Variants in IGF2BP2 observed in about 807,000 individuals in gnomAD.
IGF2BP2 encodes the protein insulin like growth factor 2 mRNA binding protein 2, also known as insulin-like growth factor 2 mRNA-binding protein 2.
Under a neutral mutation model 75.8 loss-of-function variants are expected in IGF2BP2, and 17 were observed. The observed-to-expected ratio is 0.22, with a 90% CI of 0.15 to 0.34. The LOEUF (loss-of-function observed/expected upper bound fraction) is 0.34, where lower values mean the gene tolerates loss of function less well. IGF2BP2 is among the 10% of genes least tolerant of loss of function. IGF2BP2 has a pLI of 1.00. For missense variants in IGF2BP2, 516 were observed against 772.4 expected (o/e 0.67, Z 3.93); for synonymous variants, 288 against 295.6 (o/e 0.97, Z 0.26).
chr3:185,788,276 T>C (rs1443084490), intron 2 of IGF2BP2, among the ~76,000 whole-genome samples: 1 of 152,106 alleles, frequency 6.6e-6, no homozygotes, highest in East Asian at 1.9e-4. Context: ...TCCCAACACT[T>C]TGGGAGGCCG....
intron 2 of IGF2BP2, among the ~76,000 whole-genome samples, chr3:185,733,531 C>T (rs1309584666): frequency 1.3e-5 from 2 of 152,134 alleles, no homozygotes; most frequent in Non-Finnish European, 2.9e-5. Context: ...CCGAGGCAGG[C>T]GGATCACCTG....
chr3:185,655,623 G>C (rs1426731588), intron 12 of IGF2BP2, among the ~76,000 whole-genome samples: 1 of 152,176 alleles, frequency 6.6e-6, no homozygotes, highest in African/African-American at 2.4e-5. Context: ...TGCTGTCTTT[G>C]CCCATCACAG....
rs756430254 is a variant in IGF2BP2 at position 185,689,472 on chromosome 3, G to T, written c.560C>A (p.Ser187Tyr). The change falls in exon 6 of 16, where the codon TCT becomes TAT. Residue 187 changes from serine to tyrosine, a missense_variant. Ser to Tyr is a moderately radical substitution (Grantham distance 144). Coordinates refer to ENST00000382199, the MANE Select transcript of IGF2BP2 (RefSeq NM_006548.6). ...REQGHAPGGT[S>Y]QARQIDFPLR... ...CGGGAAATCAATCTGTCTGGCCTGA[G>T]AAGTGCCCCCAGGGGCGTGGCCTTG... 5 of 1,613,856 alleles carry T rather than the reference G, an allele frequency of 3.1e-6. No homozygotes were observed. Among genetic ancestry groups the T allele is most frequent in the Non-Finnish European group, 4.2e-6 (5 of 1,179,876 alleles).
intron 2 of IGF2BP2, among the ~76,000 whole-genome samples, chr3:185,751,375 C>G (rs13073866): frequency 6.7e-6 from 1 of 150,162 alleles, no homozygotes; most frequent in South Asian, 2.1e-4. Context: ...GTCGGGAGTT[C>G]GAGACCAGCC....
intron 2 of IGF2BP2, among the ~76,000 whole-genome samples, chr3:185,777,423 C>T (rs561532564): frequency 3.7e-4 from 56 of 151,992 alleles, no homozygotes; most frequent in Non-Finnish European, 5.3e-4. Flanking sequence ...CCCAGGAAGT[C>T]GAAGCTGCAG....
At chr3:185,716,304 A>G (rs1055405385) in intron 2 of IGF2BP2, 4 of 385,122 alleles carry the variant, frequency 1.0e-5, no homozygotes, top group Non-Finnish European at 2.0e-5. Flanking sequence ...TCTTTTAATG[A>G]TATTTTCTGC....
At chr3:185,774,950 G>A (rs944555250) in intron 2 of IGF2BP2, among the ~76,000 whole-genome samples, 5 of 151,856 alleles carry the variant, frequency 3.3e-5, no homozygotes, top group Admixed American at 6.6e-5. Flanking sequence ...AACCTGGGAG[G>A]CGGGGCTTGC....
Position 185,665,504 on chromosome 3 carries a change from AG to A in IGF2BP2, c.1200+7036del. Among the ~76,000 whole-genome samples the A allele has an allele frequency of 2.5e-4, 8 of 32,158 alleles. 1 individual carries two copies. The highest frequency in any genetic ancestry group is 1.7e-3 in the South Asian group (1 of 576). The allele number at this position is 32,158 out of a possible 152,430, so 21.1% of individuals were successfully genotyped here. Reference sequence around the variant, plus strand: ...AAGAAGGAGGAGAAGGAGGAGGAGAAGGAGGAGGAGGAGAAGGAGGAGGAGG... The same window carrying A: ...AAGAAGGAGGAGAAGGAGGAGGAGAAGAGGAGGAGGAGAAGGAGGAGGAGG... On this transcript the variant is annotated intron_variant, in intron 10 of 15. Transcript: ENST00000382199.
intron 2 of IGF2BP2, among the ~76,000 whole-genome samples, chr3:185,783,236 A>T (rs774196211): frequency 3.3e-5 from 5 of 152,174 alleles, no homozygotes; most frequent in Non-Finnish European, 7.3e-5. Context: ...ACCTATACAG[A>T]TTTCTAAACA....
intron 2 of IGF2BP2, among the ~76,000 whole-genome samples, chr3:185,796,401 G>A (rs9808924): frequency 0.45 from 67,943 of 151,166 alleles, 18,261 homozygotes; most frequent in African/African-American, 0.77. Flanking sequence ...TGTCTCCACT[G>A]AAAATACAAA....
At chr3:185,669,388 G>A (rs1718168401) in intron 10 of IGF2BP2, among the ~76,000 whole-genome samples, 2 of 151,858 alleles carry the variant, frequency 1.3e-5, no homozygotes, top group Admixed American at 1.3e-4. Context: ...TACCTACACA[G>A]AAACACTGGT....
At chr3:185,818,980 T>G (rs924305871) in intron 2 of IGF2BP2, among the ~76,000 whole-genome samples, 3 of 152,192 alleles carry the variant, frequency 2.0e-5, no homozygotes, top group Admixed American at 2.0e-4. Context: ...GTTCTAAATC[T>G]TCTTTTAAAA....
intron 2 of IGF2BP2, among the ~76,000 whole-genome samples, chr3:185,751,768 T>C (rs1731002778): frequency 6.6e-6 from 1 of 151,668 alleles, no homozygotes; most frequent in African/African-American, 2.4e-5. Context: ...ATTGAGACCA[T>C]CCTGGCCAAC....
chr3:185,668,504 G>GATATATAT (rs199744636), intron 10 of IGF2BP2, among the ~76,000 whole-genome samples: 3 of 123,012 alleles, frequency 2.4e-5, no homozygotes, highest in Non-Finnish European at 3.5e-5. Context: ...GAGAGAGAGA[G>GATATATAT]AGAGATATAT....
At chr3:185,812,648 T>C (rs1740056762) in intron 2 of IGF2BP2, among the ~76,000 whole-genome samples, 1 of 152,198 alleles carries the variant, frequency 6.6e-6, no homozygotes, top group Non-Finnish European at 1.5e-5. Context: ...AAACTGTGTT[T>C]TAAAGCAGCA....
chr3:185,768,334 A>AT (rs1353562640), intron 2 of IGF2BP2, among the ~76,000 whole-genome samples: 2 of 152,198 alleles, frequency 1.3e-5, no homozygotes, highest in African/African-American at 4.8e-5. Context: ...CCTGGGCGAC[A>AT]TGAGTATGTA....
chr3:185,737,002 C>T (rs1728940649), intron 2 of IGF2BP2, among the ~76,000 whole-genome samples: 1 of 152,180 alleles, frequency 6.6e-6, no homozygotes, highest in African/African-American at 2.4e-5. Context: ...TGTCTTGGGA[C>T]TCTAATTTAC....
chr3:185,645,678 T>G lies in IGF2BP2; in HGVS notation c.1708-55A>C. On this transcript the variant is annotated intron_variant, in intron 15 of 15. Transcript: ENST00000382199. This position sits in a 1 kb window ranked among gnomAD's most constrained non-coding sequence, Gnocchi z 4.9. ...GGACAGGGGAAAAAAGGAACCCAGTTCTGAGGACAAACGGCAGGGGAGGCT... is the reference window on the plus strand; with the variant it reads ...GGACAGGGGAAAAAAGGAACCCAGTGCTGAGGACAAACGGCAGGGGAGGCT... The G allele has an allele frequency of 7.2e-7, 1 of 1,381,780 alleles. No homozygotes were observed. Among genetic ancestry groups the G allele is most frequent in the South Asian group, 1.2e-5 (1 of 86,260 alleles). 85.6% of individuals were successfully genotyped at this position (1,381,780 alleles called of 1,614,324 possible).
intron 7 of IGF2BP2, among the ~76,000 whole-genome samples, chr3:185,683,730 T>C (rs938259686): frequency 3.4e-4 from 51 of 152,200 alleles, no homozygotes; most frequent in African/African-American, 1.2e-3. Flanking sequence ...TTTTATGTTA[T>C]GGTTGTTTAA....
Sources: gnomAD v4.1 joint callset for allele counts (sites outside exome capture counted in the v4.1 genomes callset) on GRCh38, gnomAD v4.1.1 for gene constraint, Gnocchi (gnomAD v3.1) non-coding constraint, MANE v1.5 for transcripts, NCBI Gene and HGNC (gene_info 2026-07-23, HGNC 2026-07-21) for gene names.